TMEM259: variants seen among roughly 807,000 people sequenced by gnomAD.
The protein encoded by TMEM259 is membralin.
A neutral mutation model predicts 46.7 loss-of-function variants in TMEM259; 26 were observed. The ratio of observed to expected loss-of-function variants is 0.56; its 90% CI spans 0.41 to 0.77. The LOEUF is 0.77. Ranked by LOEUF, TMEM259 falls within the 30% of genes least tolerant of loss-of-function variation. The pLI is 0.00. For synonymous variants in TMEM259, 494 were observed against 395.1 expected (o/e 1.25, Z -2.97); for missense variants, 930 against 900.5 (o/e 1.03, Z -0.42).
rs1310286897 is a variant in TMEM259 at position 1,015,451 on chromosome 19, GGCCCCTCTAGGGGCAGTTCAGGGCA to G, written c.226-1003_226-979del. Among the ~76,000 whole-genome samples, 4 of 152,166 alleles carry G rather than the reference GGCCCCTCTAGGGGCAGTTCAGGGCA, an allele frequency of 2.6e-5. No homozygotes were observed. The East Asian group carries it at 7.7e-4, about 29-fold the overall frequency. On this transcript the variant is annotated intron_variant, in intron 1 of 10. Coordinates refer to ENST00000356663, the MANE Select transcript of TMEM259 (RefSeq NM_001033026.2). ...GTGCTGCAGGCACAACTCAGAGTGG[GGCCCCTCTAGGGGCAGTTCAGGGCA>G]GCCCCTCTTCCAGGGAGCCCGCCTC...
In TMEM259 at chr19:1,009,936, G is replaced by A. The variant is rs1390766295; in HGVS notation, c.*414C>T. ...GGCCATGGAGAAGGCACTGCAGGGA[G>A]CACCAGGCAGAGCCGGGCTGAGGCC... On this transcript the variant is annotated 3_prime_UTR_variant, in exon 11 of 11. Transcript: ENST00000356663. 6.1e-6 allele frequency: 2 copies of A among 326,536 alleles called. No individual in the cohort carries two copies. The highest frequency in any genetic ancestry group is 1.1e-5 in the Non-Finnish European group (2 of 179,060). The allele number at this position is 326,536 out of a possible 1,614,324, so 20.2% of individuals were successfully genotyped here. A position where few individuals can be genotyped will look rare whatever the true frequency, so the allele number is the denominator to read the frequency against.
intron 1 of TMEM259, among the ~76,000 whole-genome samples, chr19:1,019,218 G>A (rs934394716): frequency 2.6e-5 from 4 of 152,178 alleles, no homozygotes; most frequent in Admixed American, 6.5e-5. Context: ...GGTGGGACCA[G>A]GGCCCAGGCG....
chr19:1,016,217 G>A (rs1009673271), intron 1 of TMEM259, among the ~76,000 whole-genome samples: 6 of 152,158 alleles, frequency 3.9e-5, no homozygotes, highest in Admixed American at 1.3e-4. Flanking sequence ...GGGGGAGGGG[G>A]CAGGGCCCTC....
intron 5 of TMEM259, 34 bp downstream of exon 5, chr19:1,012,032 G>GCCCTCGCA (rs769808146): frequency 4.3e-6 from 7 of 1,611,690 alleles, no homozygotes; most frequent in Admixed American, 1.7e-5. Flanking sequence ...CCCCACCCGC[G>GCCCTCGCA]CCCTCGCACC....
chr19:1,017,552 C>T lies in TMEM259; in HGVS notation c.226-3079G>A, dbSNP rs372702061. 3.4e-4 allele frequency: 137 copies of T among 397,552 alleles called. 1 individual carries two copies. In the East Asian group the frequency reaches 3.8e-3, roughly 11 times the overall value. 24.6% of individuals were successfully genotyped at this position (397,552 alleles called of 1,614,324 possible). Reference sequence around the variant, plus strand: ...CCACCCCTATGACCCTTCCTTCCTCCGGGTCAGCCCACACACGGCTGCACC... The same window carrying T: ...CCACCCCTATGACCCTTCCTTCCTCTGGGTCAGCCCACACACGGCTGCACC... On this transcript the variant is annotated intron_variant, in intron 1 of 10. Coordinates refer to ENST00000356663, the MANE Select transcript of TMEM259 (RefSeq NM_001033026.2).
At chr19:1,019,009 C>A (rs2039199735) in intron 1 of TMEM259, among the ~76,000 whole-genome samples, 1 of 148,286 alleles carries the variant, frequency 6.7e-6, no homozygotes, top group Non-Finnish European at 1.5e-5. Flanking sequence ...AAAAAAAATT[C>A]ACCACCCAGA....
chr19:1,010,566 T>C lies in TMEM259; in HGVS notation c.1647A>G (p.Thr549=), dbSNP rs564114518. The change falls in exon 11 of 11, where the codon ACA becomes ACG. Residue 549 remains threonine (T), a synonymous_variant. Coordinates refer to ENST00000356663, the MANE Select transcript of TMEM259 (RefSeq NM_001033026.2). ...GWMAETAAII[T]DASFLSGLSA... The stretch of plus-strand genomic sequence containing the variant: ...TCAGGCCGGACAGGAAGGAGGCGTC[T>C]GTGATGATGGCAGCGGTCTCTGCCA... 22 of 1,549,848 alleles carry C rather than the reference T, an allele frequency of 1.4e-5. No individual in the cohort carries two copies. In the Admixed American group the frequency reaches 2.3e-4, roughly 16 times the overall value.
intron 2 of TMEM259, 37 bp from the exon 3 acceptor site, chr19:1,013,377 A>C (rs2039003482): frequency 6.2e-7 from 1 of 1,606,646 alleles, no homozygotes; most frequent in Non-Finnish European, 8.5e-7. Flanking sequence ...CAGCAGCGCC[A>C]GCCCGGGCTG....
At chr19:1,018,167 A>G (rs2039170888) in intron 1 of TMEM259, among the ~76,000 whole-genome samples, 1 of 152,154 alleles carries the variant, frequency 6.6e-6, no homozygotes, top group African/African-American at 2.4e-5. Flanking sequence ...GTGCCCCAAG[A>G]TGGACAGTCT....
At chr19:1,015,785 C>G (rs182209161) in intron 1 of TMEM259, among the ~76,000 whole-genome samples, 20,109 of 152,200 alleles carry the variant, frequency 0.13, 1,569 homozygotes, top group Middle Eastern at 0.26. Context: ...CACCTGTGGC[C>G]GCACAGCCAT....
chr19:1,010,502 C>A lies in TMEM259; in HGVS notation c.1711G>T (p.Gly571Cys). The A allele has an allele frequency of 6.5e-7, 1 of 1,547,482 alleles. No individual in the cohort carries two copies. The change falls in exon 11 of 11, where the codon GGC becomes TGC. Residue 571 changes from glycine to cysteine, a missense_variant. Coordinates refer to ENST00000356663, the MANE Select transcript of TMEM259 (RefSeq NM_001033026.2). ...GCGTGGGGGAGGCCCCCAGCAGGGCCCAGCGGGCTGGCTGGACGCCGCTCC... is the reference window on the plus strand; with the variant it reads ...GCGTGGGGGAGGCCCCCAGCAGGGCACAGCGGGCTGGCTGGACGCCGCTCC... ...LLERRPASPL[G>C]PAGGLPHAPQ...
intron 3 of TMEM259, among the ~76,000 whole-genome samples, 193 bp from the exon 4 acceptor site, chr19:1,012,766 G>C (rs937133603): frequency 3.9e-5 from 6 of 152,202 alleles, no homozygotes; most frequent in African/African-American, 1.4e-4. Flanking sequence ...CCTGTGCACT[G>C]CAGAGGCTGG....
intron 2 of TMEM259, among the ~76,000 whole-genome samples, chr19:1,013,807 C>T (rs2039016893): frequency 6.6e-6 from 1 of 152,242 alleles, no homozygotes; most frequent in Non-Finnish European, 1.5e-5. Flanking sequence ...GCAGTGGGGC[C>T]ACCTCAGGAC....
rs2039263511 is a variant in TMEM259 at position 1,020,667 on chromosome 19, G to A, written c.225+105C>T. 1 of 805,008 alleles carries A rather than the reference G, an allele frequency of 1.2e-6. No individual in the cohort carries two copies. The highest frequency in any genetic ancestry group is 1.8e-5 in the African/African-American group (1 of 55,676). 49.9% of individuals were successfully genotyped at this position (805,008 alleles called of 1,614,324 possible). A position where few individuals can be genotyped will look rare whatever the true frequency, so the allele number is the denominator to read the frequency against. On this transcript the variant is annotated intron_variant, in intron 1 of 10. Transcript: ENST00000356663. This position sits in a 1 kb window ranked among gnomAD's most constrained non-coding sequence, Gnocchi z 4.0. ...GGTATAGGCCTCAGGGTGCAGGGTG[G>A]CGCTCGCTGTCCCCAGCGGGGCCAG...
In TMEM259 at chr19:1,011,583, C is replaced by T. The variant is rs372020020; in HGVS notation, c.1081G>A (p.Val361Ile). The T allele has an allele frequency of 1.7e-5, 26 of 1,542,956 alleles. No homozygotes were observed. The highest frequency in any genetic ancestry group is 4.9e-5 in the East Asian group (2 of 40,814). The change falls in exon 8 of 11, where the codon GTC becomes ATC. Residue 361 changes from valine to isoleucine, a missense_variant. By Grantham distance (29) the Val-to-Ile change is conservative. Transcript: ENST00000356663. The stretch of plus-strand genomic sequence containing the variant: ...GGAGGCCGGGTGGGGTCCTCACCGA[C>T]GAGGGCCAGGATGACGGTCAGCAGG... The part of the protein sequence containing the change: ...APLLTVILAL[V>I]GMEAIMSEFF...
At chr19:1,017,513 G>T in intron 1 of TMEM259, 1 of 398,420 alleles carries the variant, frequency 2.5e-6, no homozygotes, top group Admixed American at 4.4e-5. Flanking sequence ...TGCCCACCCA[G>T]CACAGGAGTC....
rs200498040 is a variant in TMEM259, at chr19:1,011,554, C to T, written c.1084+26G>A. 821 of 444,890 alleles carry T rather than the reference C, an allele frequency of 1.8e-3. 5 individuals carry two copies. The highest frequency in any genetic ancestry group is 0.016 in the African/African-American group (704 of 44,424). 27.6% of individuals were successfully genotyped at this position (444,890 alleles called of 1,614,324 possible). A position where few individuals can be genotyped will look rare whatever the true frequency, so the allele number is the denominator to read the frequency against. On this transcript the variant is annotated intron_variant, in intron 8 of 10. Transcript: ENST00000356663. Reference sequence around the variant, plus strand: ...GGGCGGGGCGGGGTGCAGCGCGGGGCGGGGGAGGCCGGGTGGGGTCCTCAC... The same window carrying T: ...GGGCGGGGCGGGGTGCAGCGCGGGGTGGGGGAGGCCGGGTGGGGTCCTCAC...
rs2039259575 is a variant in TMEM259 at position 1,020,574 on chromosome 19, A to C, written c.225+198T>G. ...GGACGTCCCCGGGCGGGATGGGGTCACGAGACGGTGTCCCTGGCCAATCCC... is the reference window on the plus strand; with the variant it reads ...GGACGTCCCCGGGCGGGATGGGGTCCCGAGACGGTGTCCCTGGCCAATCCC... On this transcript the variant is annotated intron_variant, in intron 1 of 10. Coordinates refer to ENST00000356663, the MANE Select transcript of TMEM259 (RefSeq NM_001033026.2). The surrounding 1 kb of genome is among the most constrained non-coding windows in gnomAD (Gnocchi z 4.0). Among the ~76,000 whole-genome samples the C allele has an allele frequency of 6.6e-6, 1 of 152,090 alleles. No homozygotes were observed. Among genetic ancestry groups the C allele is most frequent in the Non-Finnish European group, 1.5e-5 (1 of 67,994 alleles).
At chr19:1,017,227 A>C in intron 1 of TMEM259, 1 of 399,742 alleles carries the variant, frequency 2.5e-6, no homozygotes, top group East Asian at 3.6e-5. Flanking sequence ...CCTGAGCCAC[A>C]CGCCCAGGCA....
Sources: gnomAD v4.1 joint callset for allele counts (sites outside exome capture counted in the v4.1 genomes callset) on GRCh38, gnomAD v4.1.1 for gene constraint, Gnocchi (gnomAD v3.1) non-coding constraint, MANE v1.5 for transcripts, NCBI Gene and HGNC (gene_info 2026-07-23, HGNC 2026-07-21) for gene names.